Variants in CNOT2 observed in about 807,000 individuals in gnomAD.
The protein encoded by CNOT2 is CC chemokine receptor 4-negative regulator of transcription 2.
Under a neutral mutation model 72.1 loss-of-function variants are expected in CNOT2, and 7 were observed. That is an observed-to-expected ratio of 0.10 (90% confidence interval 0.06 to 0.18). The LOEUF (loss-of-function observed/expected upper bound fraction) is 0.18, where lower values mean the gene tolerates loss of function less well. Ranked by LOEUF, CNOT2 falls within the 10% of genes least tolerant of loss-of-function variation. The pLI is 1.00. For missense variants in CNOT2, 345 were observed against 660.3 expected, an observed-to-expected ratio of 0.52 and a Z score of 5.23; for synonymous variants, 196 against 225.6, an observed-to-expected ratio of 0.87 and a Z score of 1.17.
chr12:70,333,714 C>T (rs1300095266), intron 7 of CNOT2, among the ~76,000 whole-genome samples: 1 of 152,016 alleles, frequency 6.6e-6, no homozygotes, highest in East Asian at 1.9e-4. Flanking sequence ...TGCTCAGCAG[C>T]ATAGATTAAT....
At chr12:70,280,164 T>A (rs1287701182) in intron 2 of CNOT2, among the ~76,000 whole-genome samples, 1 of 152,146 alleles carries the variant, frequency 6.6e-6, no homozygotes, top group Non-Finnish European at 1.5e-5. Context: ...TTCATCATAA[T>A]ACCAAACAGG....
At chr12:70,315,441 C>A (rs911882966) in intron 3 of CNOT2, among the ~76,000 whole-genome samples, 1 of 151,874 alleles carries the variant, frequency 6.6e-6, no homozygotes, top group African/African-American at 2.4e-5. Flanking sequence ...ATATTATCAC[C>A]ATAATTTTGA....
In CNOT2 at chr12:70,346,432, A is replaced by G. The variant is rs555082027; in HGVS notation, c.1536+108A>G. The stretch of plus-strand genomic sequence containing the variant: ...ACATCCAGTTCCAGTAATGTGCCAC[A>G]TATTTGCCAACTGTTTAATTCCATC... On this transcript the variant is annotated intron_variant, in intron 15 of 15. Transcript: ENST00000229195. The G allele has an allele frequency of 1.7e-5, 14 of 844,476 alleles. No individual in the cohort carries two copies. The South Asian group carries it at 1.8e-4, about 11-fold the overall frequency. The allele number at this position is 844,476 out of a possible 1,614,324, so 52.3% of individuals were successfully genotyped here.
intron 4 of CNOT2, among the ~76,000 whole-genome samples, chr12:70,320,374 A>G (rs1343658644): frequency 6.6e-6 from 1 of 151,726 alleles, no homozygotes; most frequent in Non-Finnish European, 1.5e-5. Context: ...GATGAAACTA[A>G]TTTTGTATAC....
At chr12:70,276,596 G>A (rs531894938) in intron 1 of CNOT2, among the ~76,000 whole-genome samples, 5 of 152,000 alleles carry the variant, frequency 3.3e-5, no homozygotes, top group South Asian at 2.1e-4. Flanking sequence ...CCAAATGTGC[G>A]TCATTTAACA....
At chr12:70,309,937 C>T (rs952436989) in intron 2 of CNOT2, among the ~76,000 whole-genome samples, 3 of 152,012 alleles carry the variant, frequency 2.0e-5, no homozygotes, top group Non-Finnish European at 2.9e-5. Flanking sequence ...CAACCAGCTG[C>T]AGATTGAAAA....
rs10711236 is a variant in CNOT2, at chr12:70,254,237, C to CA, written c.-96+10773dup. 1.6e-3 allele frequency among the ~76,000 whole-genome samples: 190 copies of CA among 117,930 alleles called. 2 individuals carry two copies. The highest frequency in any genetic ancestry group is 5.3e-3 in the African/African-American group (168 of 31,538). The allele number at this position is 117,930 out of a possible 152,430, so 77.4% of individuals were successfully genotyped here. A position where few individuals can be genotyped will look rare whatever the true frequency, so the allele number is the denominator to read the frequency against. ...TGGGGGACAGAGCGAGACTCTGTCTCAAAAAAAAAAAAAAAAGAACAATTA... is the reference window on the plus strand; with the variant it reads ...TGGGGGACAGAGCGAGACTCTGTCTCAAAAAAAAAAAAAAAAAGAACAATTA... On this transcript the variant is annotated intron_variant, in intron 1 of 15. Coordinates refer to ENST00000229195, the MANE Select transcript of CNOT2 (RefSeq NM_014515.7).
chr12:70,303,322 T>A (rs1453366919), intron 2 of CNOT2, among the ~76,000 whole-genome samples: 1 of 152,222 alleles, frequency 6.6e-6, no homozygotes, highest in East Asian at 1.9e-4. Context: ...TGATGGTCTT[T>A]ACAATTTGGC....
chr12:70,309,893 G>A (rs185253655), intron 2 of CNOT2, among the ~76,000 whole-genome samples: 113 of 152,070 alleles, frequency 7.4e-4, no homozygotes, highest in Admixed American at 1.4e-3. Context: ...ATTACAGTTG[G>A]CCCTTCATAC....
intron 2 of CNOT2, among the ~76,000 whole-genome samples, chr12:70,308,602 A>C (rs1243200004): frequency 6.6e-6 from 1 of 151,362 alleles, no homozygotes; most frequent in East Asian, 2.0e-4. Context: ...ACACACACAC[A>C]CACACAGTGA....
intron 2 of CNOT2, among the ~76,000 whole-genome samples, chr12:70,303,010 T>C (rs200847678): frequency 0.075 from 11,451 of 152,082 alleles, 270 homozygotes; most frequent in Admixed American, 0.14. Context: ...TGGTTTAAAG[T>C]CTGTTTTATC....
chr12:70,305,154 G>T (rs1309517834), intron 2 of CNOT2, among the ~76,000 whole-genome samples: 1 of 152,288 alleles, frequency 6.6e-6, no homozygotes, highest in Middle Eastern at 3.4e-3. Flanking sequence ...TTCGGCTCAC[G>T]CATGGTGCGC....
intron 2 of CNOT2, among the ~76,000 whole-genome samples, chr12:70,282,426 C>T (rs563526081): frequency 1.3e-5 from 2 of 152,108 alleles, no homozygotes; most frequent in Non-Finnish European, 2.9e-5. Context: ...CCATTTTCTT[C>T]CCCAACATTA....
chr12:70,286,213 C>T (rs1170225053), intron 2 of CNOT2, among the ~76,000 whole-genome samples: 1 of 149,004 alleles, frequency 6.7e-6, no homozygotes, highest in Non-Finnish European at 1.5e-5. Context: ...GATTACATTC[C>T]TAAGAGGTCT....
chr12:70,257,356 T>C (rs1223585423), intron 1 of CNOT2, among the ~76,000 whole-genome samples: 7 of 130,274 alleles, frequency 5.4e-5, no homozygotes, highest in East Asian at 3.5e-4. Context: ...ACTACCCCCT[T>C]TTTTTTTTTT....
chr12:70,332,962 A>G, intron 7 of CNOT2, 116 bp downstream of exon 7: 1 of 1,338,152 alleles, frequency 7.5e-7, no homozygotes, highest in Non-Finnish European at 9.6e-7. Context: ...GTTAGATGGT[A>G]GATTTTAATT....
rs571076218 is a variant in CNOT2, at chr12:70,271,115, G to T, written c.-95-7017G>T. Among the ~76,000 whole-genome samples, 7 of 152,260 alleles carry T rather than the reference G, an allele frequency of 4.6e-5. No individual in the cohort carries two copies. In the East Asian group the frequency reaches 1.4e-3, roughly 29 times the overall value. Reference sequence around the variant, plus strand: ...GGGTCAGATTCTTTCTGTTTGTTCTGCCATTGTCAGAGTGTCAGCTTGTCC... The same window carrying T: ...GGGTCAGATTCTTTCTGTTTGTTCTTCCATTGTCAGAGTGTCAGCTTGTCC... On this transcript the variant is annotated intron_variant, in intron 1 of 15. Transcript: ENST00000229195.
At chr12:70,323,654 T>G (rs1878639391) in intron 4 of CNOT2, 1 of 151,804 alleles carries the variant, frequency 6.6e-6, no homozygotes, top group South Asian at 2.1e-4. Context: ...AGGAATGGCC[T>G]ACTTTATCAA....
chr12:70,335,534 TA>T lies in CNOT2; in HGVS notation c.749del (p.Asn250ThrfsTer13). On this transcript the variant is annotated frameshift_variant, in exon 8 of 16. Coordinates refer to ENST00000229195, the MANE Select transcript of CNOT2 (RefSeq NM_014515.7). LOFTEE classifies it high-confidence loss of function. Reference protein sequence around the residue: ...REGSGNPTPLINPLAGRAPYV... With the variant: ...REGSGNPTPLXNPLAGRAPYV... ...GGAAGTGGTAACCCAACTCCATTAA[TA>T]AACCCCTTGGCTGGAAGAGCTCCTT... 6.2e-7 allele frequency: 1 copy of T among 1,610,808 alleles called. No individual in the cohort carries two copies. Among genetic ancestry groups the T allele is most frequent in the Non-Finnish European group, 8.5e-7 (1 of 1,177,314 alleles).
Sources: allele counts gnomAD v4.1 joint callset (sites outside exome capture counted in the v4.1 genomes callset), GRCh38; gene constraint gnomAD v4.1.1; transcripts MANE v1.5; gene names NCBI Gene and HGNC (gene_info 2026-07-23, HGNC 2026-07-21).